Variants in ANO2 observed in about 807,000 individuals in gnomAD.
ANO2 encodes anoctamin-2.
In ANO2, 101 loss-of-function variants were observed where a neutral mutation model predicts 124.2. The observed-to-expected ratio is 0.81, with a 90% CI of 0.69 to 0.96. The LOEUF (loss-of-function observed/expected upper bound fraction) is 0.96. Among genes scored for constraint, ANO2 ranks in the 40% least tolerant of loss-of-function variants. The pLI is 0.00. For synonymous variants in ANO2, 486 were observed against 482.5 expected (o/e 1.01, Z -0.09); for missense variants, 1,293 against 1,274.5 (o/e 1.01, Z -0.22).
rs5796191 is a variant in ANO2, at chr12:5,883,502, GGTGTGTGT to G, written c.535-29369_535-29362del. 3.7e-3 allele frequency among the ~76,000 whole-genome samples: 536 copies of G among 144,682 alleles called. 1 individual carries two copies. The highest frequency in any genetic ancestry group is 8.4e-3 in the African/African-American group (323 of 38,544). 94.9% of individuals were successfully genotyped at this position (144,682 alleles called of 152,430 possible). A position where few individuals can be genotyped will look rare whatever the true frequency, so the allele number is the denominator to read the frequency against. On this transcript the variant is annotated intron_variant, in intron 3 of 24. Transcript: ENST00000682330. ...ATGTGTGCGTGTTTGACATTAGGGT[GGTGTGTGT>G]GTGTGTGTGTGTGTGTGTGTGTGTG...
At chr12:5,746,216 G>C (rs948748907) in intron 11 of ANO2, among the ~76,000 whole-genome samples, 20 of 152,232 alleles carry the variant, frequency 1.3e-4, no homozygotes, top group African/African-American at 4.8e-4. Flanking sequence ...TAGCAGCCAA[G>C]CGGGTGCAAA....
chr12:5,803,017 C>T (rs188450049), intron 9 of ANO2, among the ~76,000 whole-genome samples: 203 of 152,310 alleles, frequency 1.3e-3, no homozygotes, highest in Middle Eastern at 0.01. Context: ...GTGTTAAAAA[C>T]CCTTTGCAAC....
intron 14 of ANO2, among the ~76,000 whole-genome samples, chr12:5,650,743 A>G (rs941937401): frequency 6.6e-6 from 1 of 152,242 alleles, no homozygotes; most frequent in Non-Finnish European, 1.5e-5. Context: ...TGGAACCAGG[A>G]CATCCAAGTT....
intron 16 of ANO2, among the ~76,000 whole-genome samples, chr12:5,630,243 G>C (rs1041795102): frequency 3.3e-5 from 5 of 152,190 alleles, no homozygotes; most frequent in Admixed American, 2.0e-4. Context: ...GAAGCCAAGC[G>C]GGTGTTAAAC....
chr12:5,570,641 T>C (rs1333919012), intron 23 of ANO2, among the ~76,000 whole-genome samples: 1 of 152,126 alleles, frequency 6.6e-6, no homozygotes, highest in Non-Finnish European at 1.5e-5. Flanking sequence ...ACAAAATCAC[T>C]GTGGGCAGGG....
chr12:5,789,131 T>C (rs1028509880), intron 10 of ANO2, among the ~76,000 whole-genome samples: 2 of 152,146 alleles, frequency 1.3e-5, no homozygotes, highest in Non-Finnish European at 1.5e-5. Flanking sequence ...AGGAGAGGGA[T>C]AGAAGCACAG....
chr12:5,891,601 G>C (rs1421068347), intron 3 of ANO2, among the ~76,000 whole-genome samples: 1 of 152,168 alleles, frequency 6.6e-6, no homozygotes, highest in African/African-American at 2.4e-5. Context: ...CCCTAAAGCT[G>C]CATGTGCATG....
intron 15 of ANO2, among the ~76,000 whole-genome samples, chr12:5,642,399 T>C (rs1294503907): frequency 6.6e-6 from 1 of 152,202 alleles, no homozygotes; most frequent in Non-Finnish European, 1.5e-5. Flanking sequence ...AACTGGCAGA[T>C]TTTGGGCTGC....
chr12:5,832,446 A>G lies in ANO2; in HGVS notation c.785+6T>C, dbSNP rs71582855. 3 of 1,613,680 alleles carry G rather than the reference A, an allele frequency of 1.9e-6. No individual in the cohort carries two copies. The highest frequency in any genetic ancestry group is 2.5e-6 in the Non-Finnish European group (3 of 1,179,796). On this transcript the variant is annotated splice_donor_region_variant and intron_variant, in intron 5 of 24. Transcript: ENST00000682330. ...ACATCTCTGCTCCAGCAGCTTCAAT[A>G]CTCACAGGTACATCTTCTCCCTGGA...
chr12:5,914,200 A>C (rs1038425224), intron 3 of ANO2, among the ~76,000 whole-genome samples: 2 of 23,134 alleles, frequency 8.6e-5, no homozygotes, highest in Non-Finnish European at 3.1e-4. Context: ...ACTCCATCTC[A>C]AAAAAGAAAA....
intron 8 of ANO2, among the ~76,000 whole-genome samples, chr12:5,806,999 C>A (rs142425291): frequency 1.3e-5 from 2 of 152,298 alleles, no homozygotes; most frequent in African/African-American, 4.8e-5. Context: ...TCCCTTTAAT[C>A]ACCTCATGCC....
At chr12:5,868,798 G>T (rs944864496) in intron 3 of ANO2, among the ~76,000 whole-genome samples, 5 of 152,228 alleles carry the variant, frequency 3.3e-5, no homozygotes, top group African/African-American at 1.2e-4. Flanking sequence ...GTCTGGAAGA[G>T]AAGGGGTCAT....
At chr12:5,832,746 G>A in intron 4 of ANO2, 143 bp from the exon 5 acceptor site, 1 of 999,634 alleles carries the variant, frequency 1.0e-6, no homozygotes, top group South Asian at 1.7e-5. Flanking sequence ...AAGAAGGAGG[G>A]CCTTTCCCTT....
chr12:5,773,581 C>T (rs1952145434), intron 10 of ANO2, among the ~76,000 whole-genome samples: 1 of 152,174 alleles, frequency 6.6e-6, no homozygotes, highest in African/African-American at 2.4e-5. Flanking sequence ...TATCATCGTG[C>T]TAATTCCTAA....
At chr12:5,818,883 G>A (rs1414657692) in intron 7 of ANO2, among the ~76,000 whole-genome samples, 1 of 152,142 alleles carries the variant, frequency 6.6e-6, no homozygotes. Context: ...AGTGGACAAA[G>A]TGATGAAAGA....
intron 10 of ANO2, among the ~76,000 whole-genome samples, chr12:5,782,793 T>C (rs1279126414): frequency 6.6e-6 from 1 of 152,148 alleles, no homozygotes. Context: ...GGCAACAGGG[T>C]ATGTTGGGAG....
intron 6 of ANO2, among the ~76,000 whole-genome samples, chr12:5,828,216 C>T (rs7136856): frequency 0.73 from 110,868 of 151,614 alleles, 41,320 homozygotes; most frequent in East Asian, 0.97. Context: ...CGTCGGGGAA[C>T]CTCAGGGAAG....
At chr12:5,815,190 A>G (rs1460865636) in intron 7 of ANO2, among the ~76,000 whole-genome samples, 1 of 152,224 alleles carries the variant, frequency 6.6e-6, no homozygotes, top group East Asian at 1.9e-4. Context: ...TTTCCACAGC[A>G]GAATCCTTCA....
At chr12:5,848,747 C>T (rs1312000926) in intron 4 of ANO2, among the ~76,000 whole-genome samples, 1 of 152,230 alleles carries the variant, frequency 6.6e-6, no homozygotes, top group African/African-American at 2.4e-5. Flanking sequence ...CCACAGATTT[C>T]ATGTCTGGAT....
Sources: gnomAD v4.1 joint callset for allele counts (sites outside exome capture counted in the v4.1 genomes callset) on GRCh38, gnomAD v4.1.1 for gene constraint, MANE v1.5 for transcripts, NCBI Gene and HGNC (gene_info 2026-07-23, HGNC 2026-07-21) for gene names.